NR3C1: variants seen among roughly 807,000 people sequenced by gnomAD.
NR3C1 encodes glucocorticoid receptor.
Under a neutral mutation model 74.0 loss-of-function variants are expected in NR3C1, and 14 were observed. That is an observed-to-expected ratio of 0.19 (90% CI 0.12 to 0.30). The LOEUF (loss-of-function observed/expected upper bound fraction) is 0.30, where lower values mean the gene tolerates loss of function less well. Ranked by LOEUF, NR3C1 falls within the 10% of genes least tolerant of loss-of-function variation. The probability of loss-of-function intolerance (pLI) is 1.00; values close to 1 mark genes in which losing one functional copy is unlikely to be tolerated. For missense variants in NR3C1, 695 were observed against 909.8 expected (o/e 0.76, Z 3.04); for synonymous variants, 308 against 332.5 (o/e 0.93, Z 0.80).
chr5:143,408,254 C>T (rs187321674), upstream of NR3C1, among the ~76,000 whole-genome samples: 4 of 152,230 alleles, frequency 2.6e-5, no homozygotes, highest in East Asian at 7.7e-4. Flanking sequence ...GGAATGTAAC[C>T]TTGGGCAGGC....
At chr5:143,386,303 T>G (rs1472919582) in intron 2 of NR3C1, among the ~76,000 whole-genome samples, 1 of 152,172 alleles carries the variant, frequency 6.6e-6, no homozygotes, top group Non-Finnish European at 1.5e-5. Context: ...AACCATAGCA[T>G]TTATATTTAG....
At chr5:143,290,670 TG>T (rs1815677004) in intron 7 of NR3C1, among the ~76,000 whole-genome samples, 1 of 152,098 alleles carries the variant, frequency 6.6e-6, no homozygotes, top group South Asian at 2.1e-4. Context: ...CAGGTTCAAA[TG>T]ATTCTTGTGC....
intron 1 of NR3C1, among the ~76,000 whole-genome samples, chr5:143,423,470 T>C (rs541431903): frequency 5.6e-4 from 85 of 152,038 alleles, no homozygotes; most frequent in Non-Finnish European, 7.4e-4. Context: ...CTCAAAAGTG[T>C]GGAGAAAGGG....
chr5:143,381,176 TA>T (rs1234920456), intron 2 of NR3C1, among the ~76,000 whole-genome samples: 2 of 151,856 alleles, frequency 1.3e-5, no homozygotes, highest in African/African-American at 2.4e-5. Flanking sequence ...AATCAGAAAG[TA>T]ATCTCATTTA....
chr5:143,368,875 G>T (rs558904962), intron 2 of NR3C1, among the ~76,000 whole-genome samples: 24 of 152,260 alleles, frequency 1.6e-4, no homozygotes, highest in African/African-American at 5.8e-4. Context: ...AGCTGATGAA[G>T]AACTTCTTGC....
intron 2 of NR3C1, among the ~76,000 whole-genome samples, chr5:143,373,872 T>G (rs1056625749): frequency 6.6e-6 from 1 of 152,054 alleles, no homozygotes. Flanking sequence ...TACAAAGAGG[T>G]GTTTATTATT....
chr5:143,414,521 C>T (rs988805146), intron 1 of NR3C1, among the ~76,000 whole-genome samples: 5 of 152,136 alleles, frequency 3.3e-5, no homozygotes, highest in African/African-American at 4.8e-5. Context: ...GAATGATGTC[C>T]AGCATATTTT....
chr5:143,318,529 C>T (rs1822658430), intron 2 of NR3C1, among the ~76,000 whole-genome samples: 1 of 152,170 alleles, frequency 6.6e-6, no homozygotes, highest in African/African-American at 2.4e-5. Flanking sequence ...AAAAGAGTCA[C>T]ATTTGTCAAG....
At chr5:143,379,104 T>C (rs189402395) in intron 2 of NR3C1, among the ~76,000 whole-genome samples, 2 of 152,194 alleles carry the variant, frequency 1.3e-5, no homozygotes, top group African/African-American at 2.4e-5. Flanking sequence ...GGTCACTTTA[T>C]TGGGGCCACA....
Position 143,280,249 on chromosome 5 carries a change from C to G in NR3C1, c.*1640G>C, listed in dbSNP as rs1250903742. ...ATCTAAAAATCATTCTTATTTTACA[C>G]TATACAAGCTATTTTACAATCATTT... On this transcript the variant is annotated 3_prime_UTR_variant, in exon 9 of 9. Coordinates refer to ENST00000394464, the MANE Select transcript of NR3C1 (RefSeq NM_000176.3). 1 of 152,576 alleles carries G rather than the reference C, an allele frequency of 6.6e-6. No individual in the cohort carries two copies. The highest frequency in any genetic ancestry group is 1.9e-4 in the East Asian group (1 of 5,200). 9.5% of individuals were successfully genotyped at this position (152,576 alleles called of 1,614,324 possible). A position where few individuals can be genotyped will look rare whatever the true frequency, so the allele number is the denominator to read the frequency against.
intron 2 of NR3C1, among the ~76,000 whole-genome samples, chr5:143,384,533 C>G (rs1164702923): frequency 6.6e-6 from 1 of 152,190 alleles, no homozygotes; most frequent in Admixed American, 6.5e-5. Flanking sequence ...GGTAAATTCC[C>G]CCATTCCAAA....
At chr5:143,357,802 T>C (rs1333809862) in intron 2 of NR3C1, among the ~76,000 whole-genome samples, 1 of 152,228 alleles carries the variant, frequency 6.6e-6, no homozygotes, top group Non-Finnish European at 1.5e-5. Context: ...ATTTGTCTAT[T>C]TTAAGGTGGT....
intron 3 of NR3C1, among the ~76,000 whole-genome samples, chr5:143,311,798 T>G (rs1296289113): frequency 1.3e-5 from 2 of 150,674 alleles, no homozygotes; most frequent in Non-Finnish European, 1.5e-5. Context: ...GTTTTTTTTT[T>G]TTTTTTTTTT....
chr5:143,308,215 C>T (rs934918276), intron 4 of NR3C1, among the ~76,000 whole-genome samples: 9 of 152,148 alleles, frequency 5.9e-5, no homozygotes, highest in Non-Finnish European at 1.0e-4. Flanking sequence ...AATACCAGCA[C>T]TTTGGGAGGC....
intron 1 of NR3C1, among the ~76,000 whole-genome samples, chr5:143,432,472 G>T (rs2151964698): frequency 6.6e-6 from 1 of 152,256 alleles, no homozygotes; most frequent in East Asian, 1.9e-4. Flanking sequence ...TCCTGCCATA[G>T]TGGGGACAGA....
At chr5:143,289,578 A>T (rs1350039558) in intron 7 of NR3C1, among the ~76,000 whole-genome samples, 1 of 152,202 alleles carries the variant, frequency 6.6e-6, no homozygotes, top group Non-Finnish European at 1.5e-5. Flanking sequence ...TCATCTCTAC[A>T]TTTTTTTAAG....
chr5:143,309,959 GT>G (rs1820550722), intron 4 of NR3C1, 137 bp downstream of exon 4: 1 of 695,170 alleles, frequency 1.4e-6, no homozygotes, highest in Admixed American at 2.4e-5. Context: ...TTATTGGGCA[GT>G]AACATTATGC....
intron 2 of NR3C1, among the ~76,000 whole-genome samples, chr5:143,319,421 A>T (rs1169226981): frequency 6.6e-6 from 1 of 152,172 alleles, no homozygotes; most frequent in Non-Finnish European, 1.5e-5. Context: ...AAACAAAGAT[A>T]TTATCACCTC....
intron 2 of NR3C1, among the ~76,000 whole-genome samples, chr5:143,378,184 A>C (rs574279470): frequency 3.3e-5 from 5 of 152,184 alleles, no homozygotes. Flanking sequence ...CCAGGAGTTC[A>C]AGGCTGCAGT....
Sources: allele counts gnomAD v4.1 joint callset (sites outside exome capture counted in the v4.1 genomes callset), GRCh38; gene constraint gnomAD v4.1.1; transcripts MANE v1.5; gene names NCBI Gene and HGNC (gene_info 2026-07-23, HGNC 2026-07-21).